Variants in AHRR observed in about 807,000 individuals in gnomAD.
The protein encoded by AHRR is aryl hydrocarbon receptor repressor.
AHRR carries 28 observed loss-of-function variants against 44.0 expected under a neutral mutation model. The ratio of observed to expected loss-of-function variants is 0.64; its 90% confidence interval spans 0.47 to 0.87. AHRR has a LOEUF of 0.87. AHRR is among the 40% of genes least tolerant of loss of function. The pLI is 0.00. For missense variants in AHRR, 990 were observed against 953.9 expected (o/e 1.04, Z -0.50); for synonymous variants, 434 against 407.0 (o/e 1.07, Z -0.80).
At chr5:377,999 G>C (rs550180333) in intron 4 of AHRR, among the ~76,000 whole-genome samples, 4 of 152,198 alleles carry the variant, frequency 2.6e-5, no homozygotes, top group Non-Finnish European at 5.9e-5. Context: ...GGGAGGTTGA[G>C]CAGTTCCCGA....
intron 10 of AHRR, among the ~76,000 whole-genome samples, chr5:433,500 G>C (rs750081475): frequency 7.9e-5 from 12 of 152,228 alleles, no homozygotes; most frequent in Admixed American, 2.0e-4. Context: ...CTGCTTTGCA[G>C]TTCCCTGGGA....
In AHRR at chr5:421,438, G is replaced by T. The variant is rs987587991; in HGVS notation, c.442-1291G>T. 7 of 543,122 alleles carry T rather than the reference G, an allele frequency of 1.3e-5. No homozygotes were observed. The Admixed American group carries it at 2.1e-4, about 17-fold the overall frequency. The allele number at this position is 543,122 out of a possible 1,614,324, so 33.6% of individuals were successfully genotyped here. On this transcript the variant is annotated intron_variant, in intron 5 of 10. Coordinates refer to ENST00000684583, the MANE Select transcript of AHRR (RefSeq NM_001377236.1). ...GGCACAGGCAGAAGCAGCCTCGCGG[G>T]TGCCGGCGATGCCCTGTGGCCTCAT...
intron 2 of AHRR, among the ~76,000 whole-genome samples, chr5:352,831 G>A (rs1032941665): frequency 1.3e-5 from 2 of 151,448 alleles, no homozygotes; most frequent in African/African-American, 2.4e-5. Flanking sequence ...TGGGTCAGCC[G>A]TAGGGGACGG....
intron 3 of AHRR, among the ~76,000 whole-genome samples, chr5:375,895 G>T (rs889657814): frequency 3.3e-5 from 5 of 152,192 alleles, no homozygotes; most frequent in African/African-American, 1.2e-4. Context: ...GTCCCCTTCT[G>T]CACCCAAAAA....
rs765529966 is a variant in AHRR, at chr5:326,925, G to A, written c.-11+5106G>A. On this transcript the variant is annotated intron_variant, in intron 1 of 10. Transcript: ENST00000684583. This position sits in a 1 kb window ranked among gnomAD's most constrained non-coding sequence, Gnocchi z 4.1. ...AATACAAAAATTAGCCAGGCGTGGTGGCACGCGCCTGTAGTCCCAGCTACT... is the reference window on the plus strand; with the variant it reads ...AATACAAAAATTAGCCAGGCGTGGTAGCACGCGCCTGTAGTCCCAGCTACT... Among the ~76,000 whole-genome samples the A allele has an allele frequency of 6.6e-6, 1 of 152,142 alleles. No individual in the cohort carries two copies. Among genetic ancestry groups the A allele is most frequent in the Admixed American group, 6.5e-5 (1 of 15,268 alleles).
intron 3 of AHRR, among the ~76,000 whole-genome samples, chr5:361,921 G>A (rs1411074395): frequency 6.6e-6 from 1 of 152,156 alleles, no homozygotes; most frequent in African/African-American, 2.4e-5. Context: ...AGACGTTTGG[G>A]GCTGTTGGGA....
chr5:353,139 G>T (rs1297733944), intron 2 of AHRR, among the ~76,000 whole-genome samples: 3 of 152,166 alleles, frequency 2.0e-5, no homozygotes, highest in African/African-American at 7.2e-5. Context: ...CTGCCCCTTT[G>T]TGGGGCCCCA....
At position 405,242 on chromosome 5, in the gene AHRR, G is replaced by A. The variant is rs546122620; in HGVS notation, c.352-8102G>A. On this transcript the variant is annotated intron_variant, in intron 4 of 10. Coordinates refer to ENST00000684583, the MANE Select transcript of AHRR (RefSeq NM_001377236.1). This position sits in a 1 kb window ranked among gnomAD's most constrained non-coding sequence, Gnocchi z 4.5. ...TAGCATGGAACCAACCCTCTTCCTC[G>A]GAGCTGCACGGGAATGAAAATGTAC... Among the ~76,000 whole-genome samples the A allele has an allele frequency of 7.2e-5, 11 of 152,176 alleles. No individual in the cohort carries two copies. The highest frequency in any genetic ancestry group is 2.4e-4 in the African/African-American group (10 of 41,514).
chr5:373,928 AG>A (rs546994793), intron 3 of AHRR, among the ~76,000 whole-genome samples: 1,691 of 148,456 alleles, frequency 0.011, 35 homozygotes, highest in African/African-American at 0.04. Flanking sequence ...CGGGGGAAGT[AG>A]GGGGGAAGTG....
At chr5:363,606 A>C (rs1034698719) in intron 3 of AHRR, among the ~76,000 whole-genome samples, 1 of 152,166 alleles carries the variant, frequency 6.6e-6, no homozygotes, top group Non-Finnish European at 1.5e-5. Flanking sequence ...CTAGTTGCCT[A>C]CTGGGAGCTC....
rs1735182229 is a variant in AHRR, at chr5:404,659, A to C, written c.352-8685A>C. On this transcript the variant is annotated intron_variant, in intron 4 of 10. Transcript: ENST00000684583. This position sits in a 1 kb window ranked among gnomAD's most constrained non-coding sequence, Gnocchi z 4.1. ...TGGTTGAGTCAGTAATACGAGGGAC[A>C]TGGAAGTCTGGCCTTGGGGGGCGTC... The C allele has an allele frequency of 5.5e-6, 1 of 182,024 alleles. No individual in the cohort carries two copies. The allele number at this position is 182,024 out of a possible 1,614,324, so 11.3% of individuals were successfully genotyped here.
At position 338,215 on chromosome 5, in the gene AHRR, A is replaced by G. The variant is rs1330405047; in HGVS notation, c.-10-5678A>G. Among the ~76,000 whole-genome samples, 3 of 152,166 alleles carry G rather than the reference A, an allele frequency of 2.0e-5. No homozygotes were observed. Among genetic ancestry groups the G allele is most frequent in the African/African-American group, 7.2e-5 (3 of 41,438 alleles). On this transcript the variant is annotated intron_variant, in intron 1 of 10. Coordinates refer to ENST00000684583, the MANE Select transcript of AHRR (RefSeq NM_001377236.1). The surrounding 1 kb of genome is among the most constrained non-coding windows in gnomAD (Gnocchi z 4.1). Reference sequence around the variant, plus strand: ...GATATCTAAGCAATAAGAACAAATTATGCATATTTCACCCTCTAGTAGTCA... The same window carrying G: ...GATATCTAAGCAATAAGAACAAATTGTGCATATTTCACCCTCTAGTAGTCA...
intron 6 of AHRR, 128 bp downstream of exon 6, chr5:422,986 A>G (rs779393308): frequency 4.6e-6 from 6 of 1,292,354 alleles, no homozygotes; most frequent in Non-Finnish European, 6.2e-6. Context: ...CTTAGCGCCA[A>G]ATCTCACCTT....
chr5:383,744 T>C lies in AHRR; in HGVS notation c.351+7028T>C, dbSNP rs963791324. On this transcript the variant is annotated intron_variant, in intron 4 of 10. Transcript: ENST00000684583. This position sits in a 1 kb window ranked among gnomAD's most constrained non-coding sequence, Gnocchi z 4.0. ...TACCCAGCTAATTAAAATTCTTTTT[T>C]ATAGAGATGGGGATGTCCCTCGTTG... is the stretch of plus-strand genomic sequence containing the variant. Among the ~76,000 whole-genome samples, 17 of 152,104 alleles carry C rather than the reference T, an allele frequency of 1.1e-4. No homozygotes were observed. The highest frequency in any genetic ancestry group is 3.6e-4 in the African/African-American group (15 of 41,422).
intron 2 of AHRR, among the ~76,000 whole-genome samples, chr5:352,038 T>C (rs903165072): frequency 2.0e-5 from 3 of 152,278 alleles, no homozygotes; most frequent in Non-Finnish European, 2.9e-5. Flanking sequence ...CTCGTTCCTG[T>C]GGTCCTGCCA....
At chr5:373,981 G>A (rs1302817294) in intron 3 of AHRR, among the ~76,000 whole-genome samples, 1 of 151,824 alleles carries the variant, frequency 6.6e-6, no homozygotes, top group Non-Finnish European at 1.5e-5. Flanking sequence ...GGAGGGGCGC[G>A]CCCCTGCCGC....
chr5:336,211 A>G (rs1431225551), intron 1 of AHRR, among the ~76,000 whole-genome samples: 1 of 152,194 alleles, frequency 6.6e-6, no homozygotes, highest in East Asian at 1.9e-4. Flanking sequence ...CTCCAGTGGG[A>G]AAGTGGACTG....
intron 7 of AHRR, among the ~76,000 whole-genome samples, chr5:426,361 T>C (rs941344074): frequency 2.0e-5 from 3 of 148,146 alleles, no homozygotes; most frequent in African/African-American, 2.5e-5. Context: ...GATGGATGGG[T>C]GGATGGATGG....
Position 404,337 on chromosome 5 carries a change from C to CTTTTTTTTTTTTTTTTTTT in AHRR, c.352-8997_352-8996insTTTTTTTTTTTTTTTTTTT. 1 of 460,314 alleles carries CTTTTTTTTTTTTTTTTTTT rather than the reference C, an allele frequency of 2.2e-6. No homozygotes were observed. The highest frequency in any genetic ancestry group is 4.3e-6 in the Non-Finnish European group (1 of 230,790). 28.5% of individuals were successfully genotyped at this position (460,314 alleles called of 1,614,324 possible). ...CAGTGTTACTAAAAGCTGTTTCACTCTTTTTTTTTTCTTTTTTCCTTCATT... is the reference window on the plus strand; with the variant it reads ...CAGTGTTACTAAAAGCTGTTTCACTCTTTTTTTTTTTTTTTTTTTTTTTTTTTTTCTTTTTTCCTTCATT... On this transcript the variant is annotated intron_variant, in intron 4 of 10. Transcript: ENST00000684583. This position sits in a 1 kb window ranked among gnomAD's most constrained non-coding sequence, Gnocchi z 4.1.
Sources: allele counts gnomAD v4.1 joint callset (sites outside exome capture counted in the v4.1 genomes callset), GRCh38; gene constraint gnomAD v4.1.1; non-coding constraint Gnocchi (gnomAD v3.1); transcripts MANE v1.5; gene names NCBI Gene and HGNC (gene_info 2026-07-23, HGNC 2026-07-21).